SMG1: variants seen among roughly 807,000 people sequenced by gnomAD.
The protein encoded by SMG1 is SMG1 nonsense mediated mRNA decay associated PI3K related kinase.
A neutral mutation model predicts 419.9 loss-of-function variants in SMG1; 22 were observed. That is an observed-to-expected ratio of 0.05 (90% confidence interval 0.04 to 0.07). The LOEUF (loss-of-function observed/expected upper bound fraction) is 0.07. Ranked by LOEUF, SMG1 falls within the 10% of genes least tolerant of loss-of-function variation. The probability of loss-of-function intolerance (pLI) is 1.00; values close to 1 mark genes in which losing one functional copy is unlikely to be tolerated. For synonymous variants in SMG1, 1,538 were observed against 1,553.5 expected, an observed-to-expected ratio of 0.99 and a Z score of 0.23; for missense variants, 3,185 against 4,342.0, an observed-to-expected ratio of 0.73 and a Z score of 7.49.
intron 1 of SMG1, among the ~76,000 whole-genome samples, chr16:18,920,930 C>T (rs572497273): frequency 6.6e-6 from 1 of 151,892 alleles, no homozygotes. Flanking sequence ...CTGAGGTCAG[C>T]AGTTCAAGAC....
At chr16:18,861,898 G>T (rs2035238679) in intron 25 of SMG1, among the ~76,000 whole-genome samples, 1 of 152,144 alleles carries the variant, frequency 6.6e-6, no homozygotes. Flanking sequence ...TTTCCTTGAG[G>T]CAGAGAAAAG....
At chr16:18,900,604 T>C in intron 1 of SMG1, among the ~76,000 whole-genome samples, 1 of 152,228 alleles carries the variant, frequency 6.6e-6, no homozygotes. Context: ...GTGGTGTCAC[T>C]GGAGTAAGCA....
Position 18,894,849 on chromosome 16 carries a change from G to A in SMG1, c.412+1203C>T, listed in dbSNP as rs368137440. 4.6e-5 allele frequency among the ~76,000 whole-genome samples: 7 copies of A among 151,906 alleles called. No individual in the cohort carries two copies. The East Asian group carries it at 9.7e-4, about 21-fold the overall frequency. ...TGTTGTTTTTTTGAGACAGAGTCTCGCTCTGTCGCCCAGGCTGGGGTGCAG... is the reference window on the plus strand; with the variant it reads ...TGTTGTTTTTTTGAGACAGAGTCTCACTCTGTCGCCCAGGCTGGGGTGCAG... On this transcript the variant is annotated intron_variant, in intron 3 of 62. Transcript: ENST00000446231.
intron 1 of SMG1, among the ~76,000 whole-genome samples, chr16:18,917,895 G>A (rs1418089045): frequency 9.9e-5 from 15 of 151,418 alleles, no homozygotes; most frequent in East Asian, 9.8e-4. Flanking sequence ...TTTTCAAGAA[G>A]CAACTAGATT....
At position 18,830,056 on chromosome 16, in the gene SMG1, C is replaced by T. The variant is rs757880764; in HGVS notation, c.9003G>A (p.Arg3001=). ...CATCAAAAAAATTAACTTGAGTACT[C>T]CTGGCTTCCCTTATGATGTCAATCT... ...WRKIDIIREA[R]STQVNFFDDD... The change falls in exon 53 of 63, where the codon AGG becomes AGA. Residue 3001 remains arginine (R), a synonymous_variant. Transcript: ENST00000446231. 1 of 1,604,116 alleles carries T rather than the reference C, an allele frequency of 6.2e-7. No homozygotes were observed. Among genetic ancestry groups the T allele is most frequent in the Non-Finnish European group, 8.5e-7 (1 of 1,174,694 alleles).
chr16:18,830,228 T>A lies in SMG1; in HGVS notation c.8934A>T (p.Leu2978Phe). The part of the protein sequence containing the change: ...FAQVETAFSL[L>F]VEKLNKMEIP... Reference sequence around the variant, plus strand: ...CCAAGTCCACATTTACCTTTTCAACTAATAAGCTGAAAGCAGTTTCAACTT... The same window carrying A: ...CCAAGTCCACATTTACCTTTTCAACAAATAAGCTGAAAGCAGTTTCAACTT... Residue 2978 changes from leucine (L) to phenylalanine (F), a missense_variant, in exon 52 of 63, where the codon TTA becomes TTT. Physicochemically the swap from Leu to Phe is conservative, Grantham distance 22. Coordinates refer to ENST00000446231, the MANE Select transcript of SMG1 (RefSeq NM_015092.5). 6.2e-7 allele frequency: 1 copy of A among 1,613,846 alleles called. No homozygotes were observed. The highest frequency in any genetic ancestry group is 8.5e-7 in the Non-Finnish European group (1 of 1,179,816).
chr16:18,837,218 G>A (rs370302949), intron 46 of SMG1, 35 bp downstream of exon 46: 75 of 1,512,046 alleles, frequency 5.0e-5, no homozygotes, highest in Non-Finnish European at 6.4e-5. Flanking sequence ...CTAATTAATG[G>A]CACATATTTA....
At position 18,887,132 on chromosome 16, in the gene SMG1, A is replaced by G. The variant is rs551030515; in HGVS notation, c.823-1466T>C. ...ATTAGTAACTGGTAAATCTAGGTGA[A>G]GCATATATTATGAAATTATTATCAT... On this transcript the variant is annotated intron_variant, in intron 6 of 62. Transcript: ENST00000446231. 2.6e-5 allele frequency among the ~76,000 whole-genome samples: 4 copies of G among 152,302 alleles called. No homozygotes were observed. The East Asian group carries it at 7.7e-4, about 29-fold the overall frequency.
intron 3 of SMG1, among the ~76,000 whole-genome samples, chr16:18,894,824 T>C (rs962664297): frequency 2.6e-5 from 4 of 151,832 alleles, no homozygotes; most frequent in Admixed American, 1.3e-4. Context: ...TCTTTTTTGT[T>C]GTTGTTTTTT....
intron 12 of SMG1, 60 bp downstream of exon 12, chr16:18,877,071 A>AT: frequency 8.1e-7 from 1 of 1,230,044 alleles, no homozygotes; most frequent in African/African-American, 1.5e-5. Context: ...GGTAAGCAAC[A>AT]TTAGGTCCAA....
At chr16:18,855,044 G>A in intron 29 of SMG1, 140 bp from the exon 30 acceptor site, 3 of 759,174 alleles carry the variant, frequency 4.0e-6, no homozygotes, top group Admixed American at 5.8e-5. Context: ...CAAATCCCTA[G>A]CAGCTAGCAC....
At position 18,896,130 on chromosome 16, in the gene SMG1, T is replaced by A. The variant is rs1276506571; in HGVS notation, c.334A>T (p.Asn112Tyr). Residue 112 changes from asparagine to tyrosine, a missense_variant, in exon 3 of 63, where the codon AAT (asparagine) becomes TAT (tyrosine). Asn to Tyr is a moderately radical substitution (Grantham distance 143, BLOSUM62 -2). Coordinates refer to ENST00000446231, the MANE Select transcript of SMG1 (RefSeq NM_015092.5). ...KSLGQELRVN[N>Y]VTSPEFTSVQ... ...CTGGTGAACTCAGGGCTGGTCACATTGTTAACCCTCAGCTCTTGCCCCAAC... is the reference window on the plus strand; with the variant it reads ...CTGGTGAACTCAGGGCTGGTCACATAGTTAACCCTCAGCTCTTGCCCCAAC... 6.3e-7 allele frequency: 1 copy of A among 1,587,640 alleles called. No individual in the cohort carries two copies. The highest frequency in any genetic ancestry group is 8.6e-7 in the Non-Finnish European group (1 of 1,157,562).
intron 3 of SMG1, among the ~76,000 whole-genome samples, chr16:18,892,886 C>G (rs564382794): frequency 2.0e-5 from 3 of 152,126 alleles, no homozygotes; most frequent in African/African-American, 7.2e-5. Flanking sequence ...CTGAAGGAAA[C>G]AAGAAATGAA....
At chr16:18,866,872 A>T in intron 22 of SMG1, 97 bp from the exon 23 acceptor site, 4 of 813,066 alleles carry the variant, frequency 4.9e-6, no homozygotes, top group Admixed American at 2.6e-5. Flanking sequence ...CTTAAAGCCA[A>T]ATGTATTTAA....
chr16:18,864,813 TC>T (rs554424461), intron 23 of SMG1, among the ~76,000 whole-genome samples: 114 of 151,678 alleles, frequency 7.5e-4, no homozygotes, highest in African/African-American at 2.6e-3. Context: ...ATATCTCATT[TC>T]CCCCCTCCCA....
chr16:18,918,595 C>T (rs554564837), intron 1 of SMG1, among the ~76,000 whole-genome samples: 19 of 152,322 alleles, frequency 1.2e-4, no homozygotes, highest in Non-Finnish European at 2.1e-4. Context: ...GTCACCCAGA[C>T]TGGAGTGCAA....
In SMG1 at chr16:18,853,462, C is replaced by T. The variant is rs1045049323; in HGVS notation, c.4768+121G>A. ...AGTTATTTCCCAACAATAAAATAAA[C>T]TCAACTTCCACAGATATACTTTTTA... On this transcript the variant is annotated intron_variant, in intron 31 of 62. Transcript: ENST00000446231. 40 of 917,256 alleles carry T rather than the reference C, an allele frequency of 4.4e-5. No homozygotes were observed. The African/African-American group carries it at 6.0e-4, about 14-fold the overall frequency. 56.8% of individuals were successfully genotyped at this position (917,256 alleles called of 1,614,324 possible).
At chr16:18,838,756 G>GATA (rs2033735538) in intron 42 of SMG1, 67 bp from the exon 43 acceptor site, 1 of 1,019,150 alleles carries the variant, frequency 9.8e-7, no homozygotes, top group African/African-American at 1.6e-5. Context: ...ACATGGACGT[G>GATA]ATACTATAAA....
intron 3 of SMG1, among the ~76,000 whole-genome samples, chr16:18,894,679 T>TAA (rs34559113): frequency 0.3 from 35,895 of 120,476 alleles, 5,745 homozygotes; most frequent in Non-Finnish European, 0.37. Context: ...CACACAGTAT[T>TAA]AAAAAAAAAA....
Sources: allele counts gnomAD v4.1 joint callset (sites outside exome capture counted in the v4.1 genomes callset), GRCh38; gene constraint gnomAD v4.1.1; transcripts MANE v1.5; gene names NCBI Gene and HGNC (gene_info 2026-07-23, HGNC 2026-07-21).